Variants in SEMA3D observed in about 807,000 individuals in gnomAD.
The protein encoded by SEMA3D is semaphorin 3D.
A neutral mutation model predicts 100.1 loss-of-function variants in SEMA3D; 84 were observed. The ratio of observed to expected loss-of-function variants is 0.84; its 90% CI spans 0.70 to 1.01. The LOEUF is 1.01. Among genes scored for constraint, SEMA3D ranks in the 50% least tolerant of loss-of-function variants. The probability of loss-of-function intolerance (pLI) is 0.00; values close to 1 mark genes in which losing one functional copy is unlikely to be tolerated. For synonymous variants in SEMA3D, 312 were observed against 320.7 expected (o/e 0.97, Z 0.29); for missense variants, 875 against 934.1 (o/e 0.94, Z 0.82).
chr7:85,018,352 AAT>A (rs1280715688), intron 14 of SEMA3D, 59 bp from the exon 15 acceptor site: 1 of 1,102,186 alleles, frequency 9.1e-7, no homozygotes, highest in Admixed American at 1.8e-5. Flanking sequence ...TATATTAAAC[AAT>A]ATGTTGTTTT....
the SEMA3D span, among the ~76,000 whole-genome samples, chr7:85,225,174 AAATACATATAT>A: frequency 3.5e-5 from 5 of 141,808 alleles, no homozygotes; most frequent in South Asian, 2.2e-4. Flanking sequence ...TATATATATA[AAATACATATAT>A]AATACATATA....
chr7:85,021,614 C>A (rs756117870), intron 13 of SEMA3D, among the ~76,000 whole-genome samples: 35 of 151,710 alleles, frequency 2.3e-4, no homozygotes, highest in Admixed American at 4.0e-4. Context: ...TCTTAAATAT[C>A]TATTCTAATA....
Position 85,042,288 on chromosome 7 carries a change from G to T in SEMA3D, c.862-3C>A. ...CTGCGTTGTCCTCCTACATCATTCT[G>T]ACATGAAAAAAAAAATAAAGATAAA... On this transcript the variant is annotated splice_polypyrimidine_tract_variant and splice_region_variant and intron_variant, in intron 9 of 18. Coordinates refer to ENST00000284136, the MANE Select transcript of SEMA3D (RefSeq NM_001384900.1). 1 of 1,573,254 alleles carries T rather than the reference G, an allele frequency of 6.4e-7. No individual in the cohort carries two copies. Among genetic ancestry groups the T allele is most frequent in the Non-Finnish European group, 8.7e-7 (1 of 1,148,196 alleles).
At chr7:85,100,223 C>A (rs985528422) in intron 3 of SEMA3D, among the ~76,000 whole-genome samples, 2 of 151,628 alleles carry the variant, frequency 1.3e-5, no homozygotes, top group African/African-American at 2.4e-5. Flanking sequence ...CTCTTTAATC[C>A]TTTTCAGGTG....
At chr7:85,133,965 TC>T (rs1377628628) in intron 2 of SEMA3D, among the ~76,000 whole-genome samples, 1 of 151,968 alleles carries the variant, frequency 6.6e-6, no homozygotes, top group African/African-American at 2.4e-5. Context: ...GTCTGGAAAC[TC>T]CCATATTCTC....
chr7:85,093,378 G>A (rs1395125248), intron 4 of SEMA3D, among the ~76,000 whole-genome samples: 4 of 151,876 alleles, frequency 2.6e-5, no homozygotes, highest in Non-Finnish European at 4.4e-5. Flanking sequence ...AGAGATATAA[G>A]TGATGATCTA....
chr7:85,223,909 A>T, the SEMA3D span, among the ~76,000 whole-genome samples: 9 of 152,208 alleles, frequency 5.9e-5, no homozygotes, highest in African/African-American at 2.2e-4. Context: ...GAAAAAAAAA[A>T]GTCTCTAAGA....
the SEMA3D span, among the ~76,000 whole-genome samples, chr7:85,200,400 G>A: frequency 6.6e-6 from 1 of 152,086 alleles, no homozygotes. Flanking sequence ...CTGGAGCAAA[G>A]GTGACTCTTG....
chr7:85,215,125 T>C, the SEMA3D span, among the ~76,000 whole-genome samples: 1 of 151,474 alleles, frequency 6.6e-6, no homozygotes, highest in Middle Eastern at 3.2e-3. Context: ...TTCTTTTTTT[T>C]TTTTTTTCAT....
At chr7:85,072,302 A>G (rs958285013) in intron 6 of SEMA3D, among the ~76,000 whole-genome samples, 4 of 152,212 alleles carry the variant, frequency 2.6e-5, no homozygotes, top group African/African-American at 9.6e-5. Context: ...CAGCTGAAAC[A>G]ATAAAGTCAT....
At chr7:85,126,906 A>C (rs1789586497) in intron 2 of SEMA3D, among the ~76,000 whole-genome samples, 1 of 152,200 alleles carries the variant, frequency 6.6e-6, no homozygotes. Flanking sequence ...TTGGAATGCT[A>C]GAACTTTCAC....
chr7:85,203,302 A>T, the SEMA3D span, among the ~76,000 whole-genome samples: 99,738 of 152,084 alleles, frequency 0.66, 33,298 homozygotes, highest in East Asian at 0.92. Context: ...TTATATGCTT[A>T]GCTGCATGTG....
chr7:85,250,034 G>C, the SEMA3D span, among the ~76,000 whole-genome samples: 1 of 152,116 alleles, frequency 6.6e-6, no homozygotes, highest in Non-Finnish European at 1.5e-5. Flanking sequence ...GCCAAAGCAG[G>C]GCGAGGCATT....
chr7:85,198,621 G>A, the SEMA3D span, among the ~76,000 whole-genome samples: 1 of 151,450 alleles, frequency 6.6e-6, no homozygotes, highest in Non-Finnish European at 1.5e-5. Flanking sequence ...CATACTGTTG[G>A]GCAGAGTCAC....
intron 4 of SEMA3D, among the ~76,000 whole-genome samples, chr7:85,092,697 G>A (rs549610371): frequency 6.6e-6 from 1 of 151,944 alleles, no homozygotes; most frequent in South Asian, 2.1e-4. Flanking sequence ...TATTATGTAA[G>A]TCTTTGAACC....
At chr7:85,059,321 G>A (rs561611157) in intron 8 of SEMA3D, among the ~76,000 whole-genome samples, 22 of 152,208 alleles carry the variant, frequency 1.4e-4, no homozygotes, top group African/African-American at 5.1e-4. Flanking sequence ...GGGGGCGTGG[G>A]GAATTAATAA....
At chr7:85,060,484 C>T (rs1273073534) in intron 8 of SEMA3D, among the ~76,000 whole-genome samples, 1 of 151,908 alleles carries the variant, frequency 6.6e-6, no homozygotes, top group Admixed American at 6.6e-5. Flanking sequence ...AAAATTATAC[C>T]ATTAGGCACC....
the SEMA3D span, among the ~76,000 whole-genome samples, chr7:85,227,338 A>G: frequency 6.6e-6 from 1 of 152,140 alleles, no homozygotes; most frequent in Non-Finnish European, 1.5e-5. Context: ...AGATGGGAAC[A>G]TTGGGAGGTT....
At chr7:85,116,810 G>T (rs907002267) in intron 3 of SEMA3D, among the ~76,000 whole-genome samples, 1 of 151,924 alleles carries the variant, frequency 6.6e-6, no homozygotes, top group Non-Finnish European at 1.5e-5. Flanking sequence ...GAAGATTGAG[G>T]TTCATTTTTT....
Sources: allele counts gnomAD v4.1 joint callset (sites outside exome capture counted in the v4.1 genomes callset), GRCh38; gene constraint gnomAD v4.1.1; transcripts MANE v1.5; gene names NCBI Gene and HGNC (gene_info 2026-07-23, HGNC 2026-07-21).